Variants in CT55 observed in about 807,000 individuals in gnomAD.
CT55 encodes BRCA2-interacting protein.
In CT55, 1 loss-of-function variant was observed where a neutral mutation model predicts 12.6. That is an observed-to-expected ratio of 0.08 (90% CI 0.03 to 0.38). The LOEUF (loss-of-function observed/expected upper bound fraction) is 0.38, where lower values mean the gene tolerates loss of function less well. Among genes scored for constraint, CT55 ranks in the 10% least tolerant of loss-of-function variants. CT55 has a pLI of 0.99. For missense variants in CT55, 109 were observed against 135.4 expected (o/e 0.80, Z 0.97); for synonymous variants, 43 against 49.7 (o/e 0.87, Z 0.57).
intron 2 of CT55, among the ~76,000 whole-genome samples, chrX:135,167,543 C>A (rs1454523202): frequency 9.0e-6 from 1 of 110,705 alleles, no homozygotes; most frequent in Non-Finnish European, 1.9e-5. Flanking sequence ...TTCTGGGCAA[C>A]GATATTTTAA....
intron 1 of CT55, 73 bp from the exon 2 acceptor site, chrX:135,169,851 C>G: frequency 1.4e-6 from 1 of 733,782 alleles, no homozygotes; most frequent in Non-Finnish European, 2.0e-6. Context: ...GTCTTACACT[C>G]ACCATCTGCA....
At position 135,169,645 on chromosome X, in the gene CT55, A is replaced by C; in HGVS notation, c.228T>G (p.Val76=). 8.3e-7 allele frequency: 1 copy of C among 1,208,671 alleles called. No homozygotes were observed. ...GTTTATCTTCTTCCACAACCACATT[A>C]ACTTTTTGTCCAACTTTTAGAGGCA... is the stretch of plus-strand genomic sequence containing the variant. ...GNVPLKVGQK[V]NVVVEEDKPH... The change falls in exon 2 of 6, where the codon GTT becomes GTG. Residue 76 remains valine (V), a synonymous_variant. Coordinates refer to ENST00000276241, the MANE Select transcript of CT55 (RefSeq NM_001031705.3).
intron 2 of CT55, among the ~76,000 whole-genome samples, chrX:135,162,061 T>C (rs1463560831): frequency 8.9e-6 from 1 of 112,464 alleles, no homozygotes; most frequent in African/African-American, 3.2e-5. Context: ...CCGGTACAAA[T>C]AGATTCAAAT....
chrX:135,165,755 C>T (rs2083580705), intron 2 of CT55, among the ~76,000 whole-genome samples: 2 of 109,897 alleles, frequency 1.8e-5, no homozygotes, highest in Non-Finnish European at 1.9e-5. Context: ...AATGACATCA[C>T]CAAAACAAAA....
chrX:135,158,282 C>G lies in CT55; in HGVS notation c.454G>C (p.Glu152Gln). The change falls in exon 4 of 6, where the codon GAA (glutamate) becomes CAA (glutamine). Residue 152 changes from glutamate (E) to glutamine (Q), a missense_variant. Glu to Gln is a conservative substitution (Grantham distance 29, BLOSUM62 2). Coordinates refer to ENST00000276241, the MANE Select transcript of CT55 (RefSeq NM_001031705.3). ...CCTGGCTCAGTGGAATATTCAACTT[C>G]TAACAAGTCACCCTTATAAGGCACA... Reference protein sequence around the residue: ...DFVPYKGDLLEVEYSTEPGIS... With the variant: ...DFVPYKGDLLQVEYSTEPGIS... 1 of 1,205,445 alleles carries G rather than the reference C, an allele frequency of 8.3e-7. No individual in the cohort carries two copies.
chrX:135,158,179 A>G lies in CT55; in HGVS notation c.537+20T>C. The G allele has an allele frequency of 9.6e-7, 1 of 1,040,643 alleles. No homozygotes were observed. The highest frequency in any genetic ancestry group is 1.3e-6 in the Non-Finnish European group (1 of 741,160). 85.8% of individuals were successfully genotyped at this position (1,040,643 alleles called of 1,213,427 possible). A position where few individuals can be genotyped will look rare whatever the true frequency, so the allele number is the denominator to read the frequency against. On this transcript the variant is annotated intron_variant, in intron 4 of 5. Transcript: ENST00000276241. ...AGAGTTAGCAGAAACTGCTGACGGG[A>G]GCAACAGGAAAGAAATTACCTCTTC...
chrX:135,158,151 G>T (rs1307711397), intron 4 of CT55, 48 bp downstream of exon 4: 7 of 771,534 alleles, frequency 9.1e-6, no homozygotes, highest in Non-Finnish European at 1.4e-5. Context: ...TATCACCAAA[G>T]GAAGAGTTAG....
intron 2 of CT55, among the ~76,000 whole-genome samples, chrX:135,168,821 C>A (rs1373605212): frequency 2.7e-5 from 3 of 112,118 alleles, no homozygotes; most frequent in Non-Finnish European, 3.8e-5. Context: ...GGGCTTCATA[C>A]ACAAACTTTC....
At chrX:135,170,989 C>A in intron 1 of CT55, 89 bp downstream of exon 1, 1 of 1,159,321 alleles carries the variant, frequency 8.6e-7, no homozygotes, top group Non-Finnish European at 1.2e-6. Flanking sequence ...AGTACCCACC[C>A]GAGTTACAAC....
chrX:135,163,846 T>C (rs1197241459), intron 2 of CT55, among the ~76,000 whole-genome samples: 5 of 111,488 alleles, frequency 4.5e-5, no homozygotes, highest in African/African-American at 1.6e-4. Context: ...GCAGTTCCAA[T>C]ATGCCTACCA....
In CT55 at chrX:135,159,925, AACACACACAC is replaced by A. The variant is rs57481039; in HGVS notation, c.424+476_424+485del. Among the ~76,000 whole-genome samples the A allele has an allele frequency of 4.0e-3, 423 of 105,419 alleles. 3 individuals carry two copies. Among genetic ancestry groups the A allele is most frequent in the African/African-American group, 0.014 (405 of 29,038 alleles). The allele number at this position is 105,419 out of a possible 115,157, so 91.5% of individuals were successfully genotyped here. On this transcript the variant is annotated intron_variant, in intron 3 of 5. Transcript: ENST00000276241. ...CCGATTACAAAGAGAATTCAACAAC[AACACACACAC>A]ACACACACACACACACAAACAGACA...
intron 2 of CT55, among the ~76,000 whole-genome samples, chrX:135,164,790 A>T (rs782600715): frequency 3.8e-4 from 43 of 112,461 alleles, no homozygotes; most frequent in Admixed American, 9.4e-5. Context: ...TGCTAAACTG[A>T]TTTCAAATAA....
chrX:135,158,768 C>T (rs2083548760), intron 3 of CT55, among the ~76,000 whole-genome samples: 1 of 112,422 alleles, frequency 8.9e-6, no homozygotes, highest in Non-Finnish European at 1.9e-5. Context: ...AAATGAGAAG[C>T]ACAGTAAGTA....
At chrX:135,161,381 C>T (rs186800649) in intron 2 of CT55, among the ~76,000 whole-genome samples, 83 of 111,876 alleles carry the variant, frequency 7.4e-4, no homozygotes, top group African/African-American at 2.6e-3. Context: ...AAGAGATCAC[C>T]AGGGACTACA....
chrX:135,170,013 T>G (rs781850988), intron 1 of CT55, among the ~76,000 whole-genome samples: 1 of 111,820 alleles, frequency 8.9e-6, no homozygotes, highest in South Asian at 3.8e-4. Flanking sequence ...TTTTAATTAT[T>G]TTTTAATTTT....
At chrX:135,160,308 G>A in intron 3 of CT55, 103 bp downstream of exon 3, 1 of 830,962 alleles carries the variant, frequency 1.2e-6, no homozygotes, top group African/African-American at 2.1e-5. Context: ...TAACACTGAA[G>A]AGCCATTGAC....
At chrX:135,165,043 C>T (rs144879693) in intron 2 of CT55, among the ~76,000 whole-genome samples, 2 of 112,202 alleles carry the variant, frequency 1.8e-5, no homozygotes, top group Non-Finnish European at 3.8e-5. Flanking sequence ...ATTGACCCCA[C>T]AAAAAGTGGG....
chrX:135,159,575 C>T (rs781817334), intron 3 of CT55, among the ~76,000 whole-genome samples: 1 of 111,437 alleles, frequency 9.0e-6, no homozygotes, highest in Non-Finnish European at 1.9e-5. Context: ...TATCCAGAGT[C>T]AACTCAATCC....
chrX:135,166,421 A>C (rs1456745461), intron 2 of CT55, among the ~76,000 whole-genome samples: 2 of 111,607 alleles, frequency 1.8e-5, no homozygotes, highest in Non-Finnish European at 3.8e-5. Context: ...TTCGTGACTA[A>C]AAACTCCACA....
Sources: allele counts gnomAD v4.1 joint callset (sites outside exome capture counted in the v4.1 genomes callset), GRCh38; gene constraint gnomAD v4.1.1; transcripts MANE v1.5; gene names NCBI Gene and HGNC (gene_info 2026-07-23, HGNC 2026-07-21).